The following GNPTAB variants were observed in gnomAD, a reference collection of about 807,000 sequenced individuals.
The protein encoded by GNPTAB is N-acetylglucosamine-1-phosphotransferase subunits alpha/beta.
In GNPTAB, 92 loss-of-function variants were observed where a neutral mutation model predicts 136.6. The ratio of observed to expected loss-of-function variants is 0.67; its 90% CI spans 0.57 to 0.80. The LOEUF (loss-of-function observed/expected upper bound fraction) is 0.80, where lower values mean the gene tolerates loss of function less well. Among genes scored for constraint, GNPTAB ranks in the 30% least tolerant of loss-of-function variants. GNPTAB has a pLI of 0.00. For synonymous variants in GNPTAB, 512 were observed against 535.1 expected (o/e 0.96, Z 0.60); for missense variants, 1,343 against 1,501.8 (o/e 0.89, Z 1.75).
rs147981921 is a variant in GNPTAB, at chr12:101,753,197, G to A, written c.3602+175C>T. The stretch of plus-strand genomic sequence containing the variant: ...GTACCCAGGAGGCGGAGGTTGCAGT[G>A]AGCTGAGGTTGCGCCATTGCACTCC... On this transcript the variant is annotated intron_variant, in intron 19 of 20. Coordinates refer to ENST00000299314, the MANE Select transcript of GNPTAB (RefSeq NM_024312.5). Among the ~76,000 whole-genome samples the A allele has an allele frequency of 0.021, 3,215 of 151,430 alleles. 51 individuals are homozygous for A. Among genetic ancestry groups the A allele is most frequent in the African/African-American group, 0.04 (1,637 of 41,236 alleles).
Position 101,747,243 on chromosome 12 carries a change from TA to T in GNPTAB, c.3694-3del. On this transcript the variant is annotated splice_region_variant and splice_polypyrimidine_tract_variant and intron_variant, in intron 20 of 20. Coordinates refer to ENST00000299314, the MANE Select transcript of GNPTAB (RefSeq NM_024312.5). The stretch of plus-strand genomic sequence containing the variant: ...TATCTTCCGCTTAAGTGCAATTAAC[TA>T]AATGATGAAAGACAGAAAATACATT... 6.5e-7 allele frequency: 1 copy of T among 1,538,964 alleles called. No individual in the cohort carries two copies.
intron 1 of GNPTAB, among the ~76,000 whole-genome samples, chr12:101,815,995 T>C (rs986842669): frequency 1.3e-5 from 2 of 152,192 alleles, no homozygotes; most frequent in African/African-American, 4.8e-5. Context: ...GATTTCCATA[T>C]GCAGAAGAAT....
Position 101,780,257 on chromosome 12 carries a change from C to G in GNPTAB, c.666G>C (p.Val222=), listed in dbSNP as rs1326320320. The change falls in exon 7 of 21, where the codon GTG becomes GTC. Residue 222 remains valine (V), a synonymous_variant. Coordinates refer to ENST00000299314, the MANE Select transcript of GNPTAB (RefSeq NM_024312.5). ...LTTDKEVPGL[V]LMQDLAFLSG... is the part of the protein sequence containing the mutation. ...TCAGGAAAGCCAAATCTTGCATTAG[C>G]ACTAATCCAGGGACTTCTTTATCTG... is the stretch of plus-strand genomic sequence containing the variant. The G allele has an allele frequency of 6.2e-7, 1 of 1,613,638 alleles. No individual in the cohort carries two copies. Among genetic ancestry groups the G allele is most frequent in the East Asian group, 2.2e-5 (1 of 44,880 alleles).
chr12:101,808,375 T>TAAA lies in GNPTAB; in HGVS notation c.118-11616_118-11614dup, dbSNP rs779978335. ...GGAGTTCAAGACCAGCCCGGGCAATTAAAAAAAAAAAAAAAAAAAAGCTGG... is the reference window on the plus strand; with the variant it reads ...GGAGTTCAAGACCAGCCCGGGCAATTAAAAAAAAAAAAAAAAAAAAAAAGCTGG... On this transcript the variant is annotated intron_variant, in intron 1 of 20. Coordinates refer to ENST00000299314, the MANE Select transcript of GNPTAB (RefSeq NM_024312.5). Among the ~76,000 whole-genome samples, 141 of 106,694 alleles carry TAAA rather than the reference T, an allele frequency of 1.3e-3. No homozygotes were observed. In the Middle Eastern group the frequency reaches 0.036, roughly 27 times the overall value. The allele number at this position is 106,694 out of a possible 152,430, so 70.0% of individuals were successfully genotyped here.
chr12:101,817,069 G>C (rs1428439848), intron 1 of GNPTAB, among the ~76,000 whole-genome samples: 1 of 152,114 alleles, frequency 6.6e-6, no homozygotes, highest in Non-Finnish European at 1.5e-5. Flanking sequence ...TGGGGATGAA[G>C]AGTGATTGGC....
chr12:101,799,208 A>G (rs1425023120), intron 1 of GNPTAB, among the ~76,000 whole-genome samples: 1 of 152,236 alleles, frequency 6.6e-6, no homozygotes, highest in Non-Finnish European at 1.5e-5. Context: ...ATAATGCAAG[A>G]AAAAGCAAAG....
chr12:101,790,726 C>T (rs115312174), intron 2 of GNPTAB, among the ~76,000 whole-genome samples: 10,400 of 143,462 alleles, frequency 0.072, 910 homozygotes, highest in African/African-American at 0.21. Flanking sequence ...GGAGACAGAT[C>T]AAGGCCTTGT....
rs774893871 is a variant in GNPTAB, at chr12:101,761,145, T to C, written c.3117A>G (p.Glu1039=). The C allele has an allele frequency of 6.2e-7, 1 of 1,613,044 alleles. No individual in the cohort carries two copies. The highest frequency in any genetic ancestry group is 1.1e-5 in the South Asian group (1 of 91,054). ...EIRTLATRIH[E]LPLSLQDLTG... ...ACAACACCTGCAAACTTAACGGCAG[T>C]TCGTGAATTCTGGTAGCCAGTGTTC... The change falls in exon 15 of 21, where the codon GAA becomes GAG. Residue 1039 remains glutamate (E), a synonymous_variant. Transcript: ENST00000299314.
At chr12:101,828,010 T>C (rs1409042745) in intron 1 of GNPTAB, among the ~76,000 whole-genome samples, 1 of 152,158 alleles carries the variant, frequency 6.6e-6, no homozygotes, top group African/African-American at 2.4e-5. Context: ...CAAAAGGACT[T>C]ACAATTAGTG....
At chr12:101,788,464 T>C in intron 4 of GNPTAB, 84 bp downstream of exon 4, 1 of 859,902 alleles carries the variant, frequency 1.2e-6, no homozygotes, top group Non-Finnish European at 2.0e-6. Flanking sequence ...CAAAATCCTG[T>C]GTACCCAATA....
chr12:101,793,281 G>A (rs933405877), intron 2 of GNPTAB, among the ~76,000 whole-genome samples: 1 of 152,008 alleles, frequency 6.6e-6, no homozygotes, highest in African/African-American at 2.4e-5. Context: ...CAACCTCCCA[G>A]GTGATTTATG....
chr12:101,761,776 T>A lies in GNPTAB; in HGVS notation c.2716-13A>T, dbSNP rs1006106723. 2 of 1,578,742 alleles carry A rather than the reference T, an allele frequency of 1.3e-6. No homozygotes were observed. Among genetic ancestry groups the A allele is most frequent in the African/African-American group, 2.7e-5 (2 of 74,238 alleles). Reference sequence around the variant, plus strand: ...ATGACTCTTCTTCCTGAAAAGAGAATTCTACATGTAACTCAGCATTATGTT... The same window carrying A: ...ATGACTCTTCTTCCTGAAAAGAGAAATCTACATGTAACTCAGCATTATGTT... On this transcript the variant is annotated splice_polypyrimidine_tract_variant and intron_variant, in intron 13 of 20. Coordinates refer to ENST00000299314, the MANE Select transcript of GNPTAB (RefSeq NM_024312.5).
At chr12:101,786,250 A>G (rs764463982) in intron 4 of GNPTAB, 33 bp from the exon 5 acceptor site, 2 of 1,536,914 alleles carry the variant, frequency 1.3e-6, no homozygotes, top group Non-Finnish European at 8.9e-7. Flanking sequence ...TTACAATTAC[A>G]TTCTTGAAAT....
intron 1 of GNPTAB, among the ~76,000 whole-genome samples, chr12:101,817,566 C>T (rs1433924998): frequency 6.6e-6 from 1 of 152,040 alleles, no homozygotes. Flanking sequence ...TTGCACCCAG[C>T]CTGATCATTA....
In GNPTAB at chr12:101,760,904, C is replaced by T. The variant is rs576665546; in HGVS notation, c.3135+223G>A. On this transcript the variant is annotated intron_variant, in intron 15 of 20. Transcript: ENST00000299314. ...AAGCGTTTCTCCTGTCTCAGCCTCCCAAGTAGCTGGAATGACAGGCGCATG... is the reference window on the plus strand; with the variant it reads ...AAGCGTTTCTCCTGTCTCAGCCTCCTAAGTAGCTGGAATGACAGGCGCATG... 4.9e-4 allele frequency among the ~76,000 whole-genome samples: 74 copies of T among 151,986 alleles called. 1 individual carries two copies. The South Asian group carries it at 0.015, about 31-fold the overall frequency.
chr12:101,765,883 A>G lies in GNPTAB; in HGVS notation c.1612+208T>C, dbSNP rs546998011. ...CTTGGTCCAAACAAAACAAAACAAA[A>G]CAAAACACCAGACTGCAACAATAAC... On this transcript the variant is annotated intron_variant, in intron 12 of 20. Coordinates refer to ENST00000299314, the MANE Select transcript of GNPTAB (RefSeq NM_024312.5). 6 of 550,104 alleles carry G rather than the reference A, an allele frequency of 1.1e-5. No individual in the cohort carries two copies. The East Asian group carries it at 1.9e-4, about 18-fold the overall frequency. The allele number at this position is 550,104 out of a possible 1,614,324, so 34.1% of individuals were successfully genotyped here.
At chr12:101,826,887 G>A (rs1185481883) in intron 1 of GNPTAB, among the ~76,000 whole-genome samples, 1 of 149,418 alleles carries the variant, frequency 6.7e-6, no homozygotes, top group Non-Finnish European at 1.5e-5. Flanking sequence ...GCTACCTACA[G>A]TCCAAGGCAA....
chr12:101,781,457 G>A (rs1594230372), intron 5 of GNPTAB, among the ~76,000 whole-genome samples: 1 of 152,160 alleles, frequency 6.6e-6, no homozygotes, highest in African/African-American at 2.4e-5. Context: ...CTTGAGCCCA[G>A]AAGTTCTATA....
At chr12:101,801,898 T>G (rs1869659303) in intron 1 of GNPTAB, among the ~76,000 whole-genome samples, 1 of 151,620 alleles carries the variant, frequency 6.6e-6, no homozygotes, top group South Asian at 2.1e-4. Context: ...GAAAAAATTT[T>G]TTTTAATTAG....
Sources: allele counts gnomAD v4.1 joint callset (sites outside exome capture counted in the v4.1 genomes callset), GRCh38; gene constraint gnomAD v4.1.1; transcripts MANE v1.5; gene names NCBI Gene and HGNC (gene_info 2026-07-23, HGNC 2026-07-21).